Variants in PTH2R observed in about 807,000 individuals in gnomAD.
PTH2R encodes the protein parathyroid hormone 2 receptor, also known as PTH2 receptor.
PTH2R carries 59 observed loss-of-function variants against 60.3 expected under a neutral mutation model. That is an observed-to-expected ratio of 0.98 (90% CI 0.79 to 1.22). The LOEUF (loss-of-function observed/expected upper bound fraction) is 1.22, where lower values mean the gene tolerates loss of function less well. Among genes scored for constraint, PTH2R ranks in the 50% most tolerant of loss-of-function variants. PTH2R has a pLI of 0.00. For synonymous variants in PTH2R, 256 were observed against 243.8 expected (o/e 1.05, Z -0.47); for missense variants, 749 against 682.6 (o/e 1.10, Z -1.08).
At position 208,421,365 on chromosome 2, in the gene PTH2R, G is replaced by GTGTGT. The variant is rs1559214820; in HGVS notation, c.76-6836_76-6835insTGTGT. Among the ~76,000 whole-genome samples, 1,046 of 148,038 alleles carry GTGTGT rather than the reference G, an allele frequency of 7.1e-3. 10 individuals carry two copies. The highest frequency in any genetic ancestry group is 0.024 in the African/African-American group (982 of 40,660). Reference sequence around the variant, plus strand: ...GAAGCCAAGACATTTTCATATTGGGGGTGTGTGTGTGTGTGTGTGTGTAGT... The same window carrying GTGTGT: ...GAAGCCAAGACATTTTCATATTGGGGTGTGTGTGTGTGTGTGTGTGTGTGTGTAGT... On this transcript the variant is annotated intron_variant, in intron 1 of 12. Transcript: ENST00000272847.
Position 208,390,913 on chromosome 2 carries a change from C to A in PTH2R, c.-259+30676C>A, listed in dbSNP as rs1701097435. 2.0e-5 allele frequency among the ~76,000 whole-genome samples: 3 copies of A among 152,272 alleles called. No individual in the cohort carries two copies. In the South Asian group the frequency reaches 6.2e-4, roughly 32 times the overall value. Reference sequence around the variant, plus strand: ...GTTACTTATCTTTTGTGATTTTCAGCTTAAGATCTATTTTTTCACAGATAT... The same window carrying A: ...GTTACTTATCTTTTGTGATTTTCAGATTAAGATCTATTTTTTCACAGATAT... On this transcript the variant is annotated intron_variant, in intron 1 of 12. Coordinates refer to the PTH2R transcript ENST00000617735.
chr2:208,405,090 C>T (rs936257190), upstream of PTH2R, among the ~76,000 whole-genome samples: 1 of 152,178 alleles, frequency 6.6e-6, no homozygotes, highest in African/African-American at 2.4e-5. Flanking sequence ...TTGTCCTCCA[C>T]CTCCCTTCAA....
chr2:208,408,722 AAGAGAGAGAGAGAGAGAAAGAGAG>A, intron 1 of PTH2R, among the ~76,000 whole-genome samples: 1 of 121,390 alleles, frequency 8.2e-6, no homozygotes, highest in Admixed American at 8.5e-5. Context: ...GAAGAAAGGA[AAGAGAGAGAGAGAGAGAAAGAGAG>A]AGAGAGAGAG....
intron 9 of PTH2R, among the ~76,000 whole-genome samples, chr2:208,467,335 C>T (rs1240451925): frequency 6.6e-6 from 1 of 152,118 alleles, no homozygotes; most frequent in African/African-American, 2.4e-5. Context: ...AAAATCTTCT[C>T]CTAACCTAAA....
chr2:208,475,869 A>C (rs1702989968), intron 9 of PTH2R, among the ~76,000 whole-genome samples: 2 of 152,230 alleles, frequency 1.3e-5, no homozygotes, highest in African/African-American at 4.8e-5. Context: ...TGTGGTGTTT[A>C]TCATGGGTTT....
chr2:208,434,406 A>T (rs145230765), intron 2 of PTH2R, among the ~76,000 whole-genome samples: 1 of 152,230 alleles, frequency 6.6e-6, no homozygotes, highest in East Asian at 1.9e-4. Context: ...AACCAAAAAA[A>T]TAAGCATGAT....
chr2:208,402,311 C>A (rs1701324567), upstream of PTH2R, among the ~76,000 whole-genome samples: 1 of 152,128 alleles, frequency 6.6e-6, no homozygotes, highest in Admixed American at 6.6e-5. Flanking sequence ...CAGCCTGTAG[C>A]TATTTTTATA....
At chr2:208,398,529 A>C (rs1701252068) in intron 1 of PTH2R, among the ~76,000 whole-genome samples, 1 of 152,252 alleles carries the variant, frequency 6.6e-6, no homozygotes, top group African/African-American at 2.4e-5. Context: ...AAGGCATAGA[A>C]GAAAGACAAT....
intron 8 of PTH2R, among the ~76,000 whole-genome samples, chr2:208,456,243 A>G (rs562860316): frequency 2.0e-5 from 3 of 150,474 alleles, no homozygotes; most frequent in Non-Finnish European, 3.0e-5. Flanking sequence ...CTCTGTCTCA[A>G]AAAAAAAAAG....
chr2:208,400,910 T>G (rs1701296621), intron 1 of PTH2R, among the ~76,000 whole-genome samples: 1 of 152,186 alleles, frequency 6.6e-6, no homozygotes, highest in South Asian at 2.1e-4. Context: ...AAGCTCTGTT[T>G]GTGGAGAGAA....
intron 1 of PTH2R, among the ~76,000 whole-genome samples, chr2:208,378,389 G>T (rs904501180): frequency 2.0e-5 from 3 of 151,884 alleles, no homozygotes; most frequent in African/African-American, 4.8e-5. Context: ...GAGACTGTGG[G>T]GAGAGGGAGA....
At chr2:208,446,743 A>C (rs903797724) in intron 7 of PTH2R, among the ~76,000 whole-genome samples, 8 of 152,236 alleles carry the variant, frequency 5.3e-5, no homozygotes, top group African/African-American at 1.9e-4. Flanking sequence ...AATGAAGTAC[A>C]TATCAAAATC....
intron 2 of PTH2R, among the ~76,000 whole-genome samples, 198 bp from the exon 3 acceptor site, chr2:208,437,339 A>C (rs989179037): frequency 3.3e-5 from 5 of 152,228 alleles, no homozygotes; most frequent in African/African-American, 9.6e-5. Context: ...TGTTCCTATG[A>C]ATGAGCCTTT....
chr2:208,418,737 C>T (rs1236360937), intron 1 of PTH2R, among the ~76,000 whole-genome samples: 1 of 151,774 alleles, frequency 6.6e-6, no homozygotes, highest in Admixed American at 6.6e-5. Context: ...GTATATTTTC[C>T]CTCTTTTTTT....
Position 208,397,146 on chromosome 2 carries a change from C to T in PTH2R, c.-258-31055C>T, listed in dbSNP as rs191455012. Among the ~76,000 whole-genome samples, 453 of 151,758 alleles carry T rather than the reference C, an allele frequency of 3.0e-3. 2 individuals are homozygous for T. Among genetic ancestry groups the T allele is most frequent in the Non-Finnish European group, 5.2e-3 (352 of 67,922 alleles). ...CAGGGAAGGGAATATCACATGCTGG[C>T]GCCTGTTGTGGGGTGGGAGGCTGGG... On this transcript the variant is annotated intron_variant, in intron 1 of 12. Transcript: ENST00000617735.
chr2:208,477,973 C>CTACTACTAGTAG (rs1337444233), intron 9 of PTH2R, among the ~76,000 whole-genome samples: 34 of 24,592 alleles, frequency 1.4e-3, no homozygotes, highest in South Asian at 3.5e-3. Context: ...AGTACTAGTA[C>CTACTACTAGTAG]TACTAGCACT....
At chr2:208,362,579 A>G (rs564196475) in intron 1 of PTH2R, among the ~76,000 whole-genome samples, 3 of 152,290 alleles carry the variant, frequency 2.0e-5, no homozygotes, top group Admixed American at 1.3e-4. Context: ...GAGAATTCTG[A>G]CTGATACAGG....
intron 8 of PTH2R, among the ~76,000 whole-genome samples, chr2:208,454,008 G>A (rs983382252): frequency 5.3e-5 from 8 of 152,012 alleles, no homozygotes; most frequent in Non-Finnish European, 8.8e-5. Flanking sequence ...CTTGTAAGTC[G>A]CCCTTTACTT....
chr2:208,445,872 A>G (rs992332859), intron 7 of PTH2R, among the ~76,000 whole-genome samples: 1 of 152,206 alleles, frequency 6.6e-6, no homozygotes, highest in Non-Finnish European at 1.5e-5. Context: ...TCACAATTAA[A>G]GTTGTATTTT....
Sources: gnomAD v4.1 joint callset for allele counts (sites outside exome capture counted in the v4.1 genomes callset) on GRCh38, gnomAD v4.1.1 for gene constraint, MANE v1.5 for transcripts, NCBI Gene and HGNC (gene_info 2026-07-23, HGNC 2026-07-21) for gene names.